ZC4H2: variants seen among roughly 807,000 people sequenced by gnomAD.
ZC4H2 encodes zinc finger C4H2-type containing.
For synonymous variants in ZC4H2, 84 were observed against 66.3 expected (o/e 1.27, Z -1.30); for missense variants, 137 against 173.9 (o/e 0.79, Z 1.19).
intron 1 of ZC4H2, among the ~76,000 whole-genome samples, chrX:65,001,562 CATA>C (rs1249219523): frequency 1.8e-5 from 2 of 112,083 alleles, no homozygotes. Flanking sequence ...CAGCTAGCAT[CATA>C]ATGACAGGAT....
intron 1 of ZC4H2, among the ~76,000 whole-genome samples, chrX:65,022,481 C>T (rs1932843970): frequency 8.9e-6 from 1 of 111,996 alleles, no homozygotes; most frequent in African/African-American, 3.2e-5. Flanking sequence ...AACACCCCTT[C>T]ATGCTAAGAA....
intron 1 of ZC4H2, among the ~76,000 whole-genome samples, chrX:65,019,912 C>T (rs775870736): frequency 4.5e-5 from 5 of 111,676 alleles, no homozygotes; most frequent in African/African-American, 6.5e-5. Flanking sequence ...ACAGCTGAAT[C>T]GATTAAGCAG....
chrX:65,010,852 T>A (rs1362192881), intron 1 of ZC4H2, among the ~76,000 whole-genome samples: 1 of 112,237 alleles, frequency 8.9e-6, no homozygotes, highest in Admixed American at 9.5e-5. Flanking sequence ...GAGAGATTAT[T>A]TAATATAAAT....
At chrX:64,976,466 G>C (rs1477491824), upstream of ZC4H2, 4 of 1,015,975 alleles carry the variant, frequency 3.9e-6, no homozygotes, top group African/African-American at 5.6e-5. Context: ...CCTCCTCCGG[G>C]CTTGGGGCTA....
chrX:65,016,034 C>A (rs1348336092), intron 1 of ZC4H2, among the ~76,000 whole-genome samples: 1 of 111,909 alleles, frequency 8.9e-6, no homozygotes, highest in African/African-American at 3.2e-5. Context: ...ACTCTCCTTG[C>A]AAGGCAGCTA....
At chrX:65,028,314 G>C (rs1403609474) in intron 1 of ZC4H2, among the ~76,000 whole-genome samples, 1 of 111,918 alleles carries the variant, frequency 8.9e-6, no homozygotes, top group Non-Finnish European at 1.9e-5. Context: ...AAGCATTAGA[G>C]ATACAGCAGT....
At chrX:64,964,906 G>A (rs1196943575) in intron 1 of ZC4H2, among the ~76,000 whole-genome samples, 2 of 111,829 alleles carry the variant, frequency 1.8e-5, no homozygotes, top group East Asian at 5.6e-4. Flanking sequence ...GCAGTATTAT[G>A]CGCTCAATTG....
At position 64,976,400 on chromosome X, in the gene ZC4H2, T is replaced by A. The variant is rs1931950511; in HGVS notation, c.-23A>T. 1 of 1,201,401 alleles carries A rather than the reference T, an allele frequency of 8.3e-7. No homozygotes were observed. The highest frequency in any genetic ancestry group is 2.2e-5 in the Admixed American group (1 of 45,809). On this transcript the variant is annotated 5_prime_UTR_variant, in exon 1 of 5. Coordinates refer to ENST00000374839, the MANE Select transcript of ZC4H2 (RefSeq NM_018684.4). Reference sequence around the variant, plus strand: ...CATACTTTTCACTGTCAATTTCACGTCCCGAGAGATGTACAAATACACCAG... The same window carrying A: ...CATACTTTTCACTGTCAATTTCACGACCCGAGAGATGTACAAATACACCAG...
intron 1 of ZC4H2, among the ~76,000 whole-genome samples, chrX:64,963,828 A>T: frequency 8.9e-6 from 1 of 111,864 alleles, no homozygotes; most frequent in Non-Finnish European, 1.9e-5. Flanking sequence ...TGAATGAATT[A>T]ACAATGTAGT....
At chrX:64,947,189 T>C (rs748298121) in intron 1 of ZC4H2, among the ~76,000 whole-genome samples, 1 of 112,595 alleles carries the variant, frequency 8.9e-6, no homozygotes, top group East Asian at 2.8e-4. Flanking sequence ...TTTATTAATG[T>C]CACACAACAC....
At chrX:65,011,922 G>T (rs1932757975) in intron 1 of ZC4H2, among the ~76,000 whole-genome samples, 1 of 109,288 alleles carries the variant, frequency 9.2e-6, no homozygotes, top group South Asian at 4.0e-4. Context: ...CACCACGTTG[G>T]CCAGGATGGT....
At chrX:64,947,591 C>T (rs1255377234) in intron 1 of ZC4H2, among the ~76,000 whole-genome samples, 5 of 112,438 alleles carry the variant, frequency 4.4e-5, no homozygotes, top group Non-Finnish European at 7.5e-5. Flanking sequence ...CTAAATATGG[C>T]TGAGAAAGAC....
chrX:64,987,014 G>T (rs772436673), intron 1 of ZC4H2, among the ~76,000 whole-genome samples: 1 of 101,648 alleles, frequency 9.8e-6, no homozygotes, highest in African/African-American at 3.8e-5. Context: ...TGCAAGCTCT[G>T]CCTCCCGGGT....
chrX:65,001,639 A>G (rs1035590898), intron 1 of ZC4H2, among the ~76,000 whole-genome samples: 1 of 111,881 alleles, frequency 8.9e-6, no homozygotes, highest in Non-Finnish European at 1.9e-5. Flanking sequence ...ATTAAAAGAA[A>G]CAGAATGGCA....
Position 64,954,481 on chromosome X carries a change from T to C in ZC4H2, c.53+21844A>G, listed in dbSNP as rs1339808500. ...ATTAATCATTATTATGGTTATTATG[T>C]TATTGTAGACAACAGAAAGAATGAA... On this transcript the variant is annotated intron_variant, in intron 1 of 4. Coordinates refer to ENST00000374839, the MANE Select transcript of ZC4H2 (RefSeq NM_018684.4). Among the ~76,000 whole-genome samples the C allele has an allele frequency of 4.0e-5, 4 of 99,193 alleles. No individual in the cohort carries two copies. The East Asian group carries it at 9.0e-4, about 22-fold the overall frequency. The allele number at this position is 99,193 out of a possible 115,157, so 86.1% of individuals were successfully genotyped here.
chrX:65,023,580 TG>T (rs1410051306), intron 1 of ZC4H2, among the ~76,000 whole-genome samples: 3 of 111,754 alleles, frequency 2.7e-5, no homozygotes, highest in Non-Finnish European at 5.6e-5. Context: ...CCAGTTAGAA[TG>T]GTGATGATTA....
chrX:64,993,469 G>C (rs1051455311), intron 1 of ZC4H2, among the ~76,000 whole-genome samples: 1 of 111,416 alleles, frequency 9.0e-6, no homozygotes, highest in African/African-American at 3.3e-5. Flanking sequence ...AGGTGATTAG[G>C]TCAGTGTTCT....
At chrX:64,982,340 T>C (rs1431268980) in intron 1 of ZC4H2, among the ~76,000 whole-genome samples, 1 of 111,945 alleles carries the variant, frequency 8.9e-6, no homozygotes, top group Non-Finnish European at 1.9e-5. Flanking sequence ...CAGGCTGGGG[T>C]ACTTTAGAAC....
upstream of ZC4H2, among the ~76,000 whole-genome samples, chrX:64,980,178 G>T (rs1225406817): frequency 8.9e-6 from 1 of 112,242 alleles, no homozygotes; most frequent in Admixed American, 9.4e-5. Flanking sequence ...GCCCAAAAAT[G>T]TTTATTGTGC....
Sources: allele counts gnomAD v4.1 joint callset (sites outside exome capture counted in the v4.1 genomes callset), GRCh38; gene constraint gnomAD v4.1.1; transcripts MANE v1.5; gene names NCBI Gene and HGNC (gene_info 2026-07-23, HGNC 2026-07-21).